Variants in TRAPPC9 observed in about 807,000 individuals in gnomAD.
TRAPPC9 encodes IKK2 binding protein.
Under a neutral mutation model 124.0 loss-of-function variants are expected in TRAPPC9, and 83 were observed. The ratio of observed to expected loss-of-function variants is 0.67; its 90% CI spans 0.56 to 0.80. TRAPPC9 has a LOEUF of 0.80. Among genes scored for constraint, TRAPPC9 ranks in the 30% least tolerant of loss-of-function variants. TRAPPC9 has a pLI of 0.00. For synonymous variants in TRAPPC9, 638 were observed against 617.5 expected (o/e 1.03, Z -0.49); for missense variants, 1,302 against 1,508.3 (o/e 0.86, Z 2.27).
intron 16 of TRAPPC9, among the ~76,000 whole-genome samples, chr8:140,229,827 G>C (rs548448750): frequency 1.3e-5 from 2 of 151,918 alleles, no homozygotes; most frequent in Non-Finnish European, 2.9e-5. Flanking sequence ...CAAAGTGCTG[G>C]GGTTACAGGT....
chr8:140,406,674 G>A (rs1359760347), intron 5 of TRAPPC9, among the ~76,000 whole-genome samples: 1 of 152,206 alleles, frequency 6.6e-6, no homozygotes, highest in Non-Finnish European at 1.5e-5. Flanking sequence ...GAGATGGATG[G>A]ACAGATGGAA....
At chr8:140,347,234 G>A (rs1038229303) in intron 9 of TRAPPC9, among the ~76,000 whole-genome samples, 4 of 152,158 alleles carry the variant, frequency 2.6e-5, no homozygotes, top group African/African-American at 9.7e-5. Flanking sequence ...TTCCTAGCTT[G>A]TCCTTGCTTC....
Position 139,770,439 on chromosome 8 carries a change from T to C in TRAPPC9, c.3056-38237A>G, listed in dbSNP as rs1348847200. Among the ~76,000 whole-genome samples the C allele has an allele frequency of 3.3e-5, 5 of 152,354 alleles. No individual in the cohort carries two copies. In the East Asian group the frequency reaches 9.6e-4, roughly 29 times the overall value. Reference sequence around the variant, plus strand: ...GCTTTAGGGATTCACAATGGGAGTGTCATCTTAGTGAAGTTCTCCAGGCAC... The same window carrying C: ...GCTTTAGGGATTCACAATGGGAGTGCCATCTTAGTGAAGTTCTCCAGGCAC... On this transcript the variant is annotated intron_variant, in intron 21 of 22. Transcript: ENST00000438773.
At chr8:139,930,644 C>A (rs1833086124) in intron 19 of TRAPPC9, among the ~76,000 whole-genome samples, 1 of 152,224 alleles carries the variant, frequency 6.6e-6, no homozygotes, top group South Asian at 2.1e-4. Flanking sequence ...TAAGGAGCAT[C>A]CCCCGTGTTT....
At chr8:140,292,722 G>C (rs921448542) in intron 11 of TRAPPC9, among the ~76,000 whole-genome samples, 1 of 150,686 alleles carries the variant, frequency 6.6e-6, no homozygotes, top group Admixed American at 6.6e-5. Flanking sequence ...ATTCAAGATG[G>C]ATTAAAGACT....
chr8:140,180,784 TA>T (rs2062184362), intron 17 of TRAPPC9, among the ~76,000 whole-genome samples: 1 of 152,040 alleles, frequency 6.6e-6, no homozygotes, highest in African/African-American at 2.4e-5. Flanking sequence ...TGTTCCCATG[TA>T]ATTTGTGGCT....
At position 140,216,735 on chromosome 8, in the gene TRAPPC9, C is replaced by CCGA. The variant is rs2063205640; in HGVS notation, c.2556+4723_2556+4724insTCG. On this transcript the variant is annotated intron_variant, in intron 17 of 22. Transcript: ENST00000438773. The surrounding 1 kb of genome is among the most constrained non-coding windows in gnomAD (Gnocchi z 4.1). Reference sequence around the variant, plus strand: ...GCCGCAGGTTCGGGAATGCCCTCTCCACTCTGGCCTGCTAGCTCACCCCAG... The same window carrying CCGA: ...GCCGCAGGTTCGGGAATGCCCTCTCCCGAACTCTGGCCTGCTAGCTCACCCCAG... 6.6e-6 allele frequency among the ~76,000 whole-genome samples: 1 copy of CCGA among 152,218 alleles called. No homozygotes were observed. Among genetic ancestry groups the CCGA allele is most frequent in the South Asian group, 2.1e-4 (1 of 4,828 alleles).
In TRAPPC9 at chr8:140,360,125, T is replaced by A. The variant is rs752614138; in HGVS notation, c.1420A>T (p.Met474Leu). ...CTGACAGAGAGGGCAGGGTTCCCCA[T>A]CCTTCGGGAGGCGTAGACCAATTCA... ...LHELVYASRR[M>L]GNPALSVRHL... Residue 474 changes from methionine to leucine, a missense_variant, in exon 9 of 23, where the codon ATG (methionine) becomes TTG (leucine). Physicochemically the swap from Met to Leu is conservative, Grantham distance 15. Coordinates refer to ENST00000438773, the MANE Select transcript of TRAPPC9 (RefSeq NM_001160372.4). The A allele has an allele frequency of 6.2e-7, 1 of 1,614,014 alleles. No individual in the cohort carries two copies. The highest frequency in any genetic ancestry group is 1.3e-5 in the African/African-American group (1 of 74,894).
rs2060628406 is a variant in TRAPPC9, at chr8:140,104,326, T to C, written c.2557-80247A>G. 6.6e-6 allele frequency among the ~76,000 whole-genome samples: 1 copy of C among 152,048 alleles called. No individual in the cohort carries two copies. The highest frequency in any genetic ancestry group is 1.5e-5 in the Non-Finnish European group (1 of 67,992). On this transcript the variant is annotated intron_variant, in intron 17 of 22. Coordinates refer to ENST00000438773, the MANE Select transcript of TRAPPC9 (RefSeq NM_001160372.4). This position sits in a 1 kb window ranked among gnomAD's most constrained non-coding sequence, Gnocchi z 4.0. ...ATGGGTCTTGAAGAACGAGGCATTTTCTAGGAAGATCAATGAAGAAAGATG... is the reference window on the plus strand; with the variant it reads ...ATGGGTCTTGAAGAACGAGGCATTTCCTAGGAAGATCAATGAAGAAAGATG...
chr8:139,994,120 A>T (rs1395033144), intron 18 of TRAPPC9, among the ~76,000 whole-genome samples: 1 of 152,250 alleles, frequency 6.6e-6, no homozygotes, highest in Non-Finnish European at 1.5e-5. Flanking sequence ...TCCCCCCAGA[A>T]AGCAGAGCCT....
chr8:140,445,208 C>T (rs183806271), intron 2 of TRAPPC9, among the ~76,000 whole-genome samples: 1 of 152,360 alleles, frequency 6.6e-6, no homozygotes, highest in African/African-American at 2.4e-5. Context: ...CACTCTCAGA[C>T]AGATTTCTCC....
chr8:139,917,162 A>ATTTTTTTTTTTT (rs1832191450), intron 19 of TRAPPC9, among the ~76,000 whole-genome samples: 6 of 70,914 alleles, frequency 8.5e-5, no homozygotes, highest in Non-Finnish European at 1.4e-4. Context: ...CTTCATTATT[A>ATTTTTTTTTTTT]TTTTCTTTTT....
chr8:140,011,672 T>A (rs1479747477), intron 18 of TRAPPC9, among the ~76,000 whole-genome samples: 8 of 30,400 alleles, frequency 2.6e-4, no homozygotes, highest in Admixed American at 2.7e-4. Context: ...CCCAGCTAAT[T>A]TTTTTTTTTT....
At chr8:140,457,524 G>T (rs927330410) in intron 1 of TRAPPC9, 115 bp downstream of exon 1, 4 of 864,110 alleles carry the variant, frequency 4.6e-6, no homozygotes, top group Non-Finnish European at 5.6e-6. Flanking sequence ...CGCCCGGACA[G>T]GTGAGGGCCG....
chr8:139,999,751 A>G (rs1010789558), intron 18 of TRAPPC9, among the ~76,000 whole-genome samples: 2 of 152,242 alleles, frequency 1.3e-5, no homozygotes, highest in Non-Finnish European at 2.9e-5. Flanking sequence ...CTAGAAATCA[A>G]TGGTAGAAGG....
At chr8:140,150,295 A>G (rs1353008124) in intron 17 of TRAPPC9, among the ~76,000 whole-genome samples, 1 of 152,136 alleles carries the variant, frequency 6.6e-6, no homozygotes, top group Non-Finnish European at 1.5e-5. Context: ...TAAAAATACA[A>G]AACATTAGCC....
At chr8:140,069,125 C>T (rs564139062) in intron 17 of TRAPPC9, among the ~76,000 whole-genome samples, 6 of 152,280 alleles carry the variant, frequency 3.9e-5, no homozygotes, top group Middle Eastern at 3.4e-3. Flanking sequence ...CTCCTGAAGC[C>T]GCTGTGCTCA....
rs541857583 is a variant in TRAPPC9 at position 140,144,647 on chromosome 8, C to T, written c.2556+76812G>A. On this transcript the variant is annotated intron_variant, in intron 17 of 22. Transcript: ENST00000438773. ...GGGATTACAGGCACCTGCCACCACA[C>T]CCAGCTAACTTGTATTTTAAGTAGA... Among the ~76,000 whole-genome samples the T allele has an allele frequency of 2.8e-3, 433 of 152,190 alleles. 2 individuals are homozygous for T. Among genetic ancestry groups the T allele is most frequent in the African/African-American group, 0.01 (416 of 41,516 alleles).
chr8:140,379,971 C>T (rs753154622), intron 7 of TRAPPC9, among the ~76,000 whole-genome samples: 3 of 152,124 alleles, frequency 2.0e-5, no homozygotes, highest in Non-Finnish European at 4.4e-5. Context: ...GTAGGTATCT[C>T]GTGTTCATGG....
Sources: allele counts gnomAD v4.1 joint callset (sites outside exome capture counted in the v4.1 genomes callset), GRCh38; gene constraint gnomAD v4.1.1; non-coding constraint Gnocchi (gnomAD v3.1); transcripts MANE v1.5; gene names NCBI Gene and HGNC (gene_info 2026-07-23, HGNC 2026-07-21).